Variants in GALNT17 observed in about 807,000 individuals in gnomAD.
GALNT17 encodes the protein UDP-GalNAc:polypeptide N-acetylgalactosaminyltransferase-like 3.
In GALNT17, 29 loss-of-function variants were observed where a neutral mutation model predicts 63.7. That is an observed-to-expected ratio of 0.46 (90% CI 0.34 to 0.62). The LOEUF (loss-of-function observed/expected upper bound fraction) is 0.62, where lower values mean the gene tolerates loss of function less well. Among genes scored for constraint, GALNT17 ranks in the 20% least tolerant of loss-of-function variants. The probability of loss-of-function intolerance (pLI) is 0.01; values close to 1 mark genes in which losing one functional copy is unlikely to be tolerated. For synonymous variants in GALNT17, 305 were observed against 318.3 expected (o/e 0.96, Z 0.45); for missense variants, 603 against 799.6 (o/e 0.75, Z 2.97).
chr7:71,240,955 G>A (rs772240951), intron 1 of GALNT17, among the ~76,000 whole-genome samples: 5 of 152,002 alleles, frequency 3.3e-5, no homozygotes, highest in South Asian at 2.1e-4. Flanking sequence ...TGAGCCACTC[G>A]TACTACATTT....
chr7:71,413,775 C>G (rs1793474784), intron 3 of GALNT17, among the ~76,000 whole-genome samples: 1 of 152,166 alleles, frequency 6.6e-6, no homozygotes, highest in African/African-American at 2.4e-5. Flanking sequence ...CAGAATCACA[C>G]TGCAGGGACT....
chr7:71,584,434 G>A (rs1789684821), intron 6 of GALNT17, among the ~76,000 whole-genome samples: 1 of 152,016 alleles, frequency 6.6e-6, no homozygotes, highest in Non-Finnish European at 1.5e-5. Flanking sequence ...ACATTTTGCT[G>A]TTTTTTTCAG....
intron 2 of GALNT17, among the ~76,000 whole-genome samples, chr7:71,360,210 A>G (rs572552464): frequency 6.6e-6 from 1 of 152,350 alleles, no homozygotes; most frequent in South Asian, 2.1e-4. Context: ...ACTGAATACA[A>G]TTTGATATCT....
intron 5 of GALNT17, among the ~76,000 whole-genome samples, chr7:71,483,612 C>T (rs998504964): frequency 6.6e-6 from 1 of 151,540 alleles, no homozygotes; most frequent in African/African-American, 2.4e-5. Flanking sequence ...GGCTAGAGTG[C>T]AGTGGCATTA....
At chr7:71,597,184 C>A (rs909763982) in intron 6 of GALNT17, among the ~76,000 whole-genome samples, 1 of 150,762 alleles carries the variant, frequency 6.6e-6, no homozygotes, top group Admixed American at 6.6e-5. Context: ...ACTACAGGCA[C>A]CCGCCACCAT....
intron 2 of GALNT17, among the ~76,000 whole-genome samples, chr7:71,341,652 A>G (rs1219480168): frequency 6.6e-6 from 1 of 152,320 alleles, no homozygotes; most frequent in East Asian, 1.9e-4. Flanking sequence ...GAAAAAAATA[A>G]TGTTCCATTT....
intron 1 of GALNT17, among the ~76,000 whole-genome samples, chr7:71,318,636 G>A (rs1791546064): frequency 1.3e-5 from 2 of 151,872 alleles, no homozygotes; most frequent in East Asian, 1.9e-4. Context: ...CACCATGTTG[G>A]CCAGGATGGT....
At chr7:71,482,699 T>C (rs1169229937) in intron 5 of GALNT17, among the ~76,000 whole-genome samples, 1 of 152,060 alleles carries the variant, frequency 6.6e-6, no homozygotes, top group Non-Finnish European at 1.5e-5. Flanking sequence ...AGTGAAAACA[T>C]GGTATAAAGC....
chr7:71,675,773 A>G (rs531282), intron 8 of GALNT17, among the ~76,000 whole-genome samples: 148,296 of 152,304 alleles, frequency 0.97, 72,273 homozygotes, highest in Non-Finnish European at 1. Flanking sequence ...GATCACCTGA[A>G]GTCAGGAGTT....
Position 71,388,769 on chromosome 7 carries a change from C to T in GALNT17, c.589+368C>T, listed in dbSNP as rs192158351. ...CTCGAACTCCTGAACTCAGGTGATCCGCTCACCTCAGCTTCCCAAAGTGCT... is the reference window on the plus strand; with the variant it reads ...CTCGAACTCCTGAACTCAGGTGATCTGCTCACCTCAGCTTCCCAAAGTGCT... On this transcript the variant is annotated intron_variant, in intron 3 of 10. Transcript: ENST00000333538. Among the ~76,000 whole-genome samples the T allele has an allele frequency of 3.3e-4, 50 of 152,072 alleles. 4 individuals carry two copies. The highest frequency in any genetic ancestry group is 2.9e-3 in the East Asian group (15 of 5,136).
At chr7:71,472,458 G>A (rs1247169013) in intron 5 of GALNT17, among the ~76,000 whole-genome samples, 1 of 152,108 alleles carries the variant, frequency 6.6e-6, no homozygotes, top group Non-Finnish European at 1.5e-5. Context: ...GGAGACCAAG[G>A]CAGGCTGATC....
chr7:71,315,128 T>C (rs2115965200), intron 1 of GALNT17, among the ~76,000 whole-genome samples: 1 of 152,348 alleles, frequency 6.6e-6, no homozygotes, highest in Non-Finnish European at 1.5e-5. Flanking sequence ...ATACATCTAT[T>C]TGTTTTTTTG....
intron 1 of GALNT17, among the ~76,000 whole-genome samples, chr7:71,219,130 A>G (rs1188825628): frequency 1.3e-5 from 2 of 152,104 alleles, no homozygotes; most frequent in African/African-American, 4.8e-5. Context: ...ATTTGCAGCA[A>G]CTCTATTAGG....
intron 1 of GALNT17, among the ~76,000 whole-genome samples, chr7:71,166,894 ACT>A (rs987881364): frequency 1.3e-5 from 2 of 151,844 alleles, no homozygotes; most frequent in African/African-American, 4.8e-5. Flanking sequence ...TGTGTATTTA[ACT>A]GTTTTTTTTA....
At chr7:71,389,640 C>A (rs904175297) in intron 3 of GALNT17, among the ~76,000 whole-genome samples, 5 of 152,160 alleles carry the variant, frequency 3.3e-5, no homozygotes, top group Non-Finnish European at 5.9e-5. Context: ...CTTCCTTCTT[C>A]TCATTAGCTA....
At chr7:71,332,429 G>A (rs1056557436) in intron 1 of GALNT17, among the ~76,000 whole-genome samples, 1 of 152,112 alleles carries the variant, frequency 6.6e-6, no homozygotes, top group Non-Finnish European at 1.5e-5. Flanking sequence ...TAGTTAATGA[G>A]CAACTCATCC....
intron 5 of GALNT17, among the ~76,000 whole-genome samples, chr7:71,551,068 C>A (rs1245345929): frequency 1.3e-5 from 2 of 152,046 alleles, no homozygotes; most frequent in African/African-American, 4.8e-5. Context: ...TGTTTACTGT[C>A]CTCTGGGATT....
At chr7:71,528,527 C>T (rs1788662433) in intron 5 of GALNT17, among the ~76,000 whole-genome samples, 1 of 152,144 alleles carries the variant, frequency 6.6e-6, no homozygotes, top group South Asian at 2.1e-4. Flanking sequence ...TCTTCTCATC[C>T]TGGGACCCAG....
chr7:71,144,969 T>C (rs549347075), intron 1 of GALNT17, among the ~76,000 whole-genome samples: 14 of 152,202 alleles, frequency 9.2e-5, no homozygotes, highest in South Asian at 2.1e-4. Flanking sequence ...ACTTCGTGAT[T>C]TGCCCACCTT....
Sources: allele counts gnomAD v4.1 joint callset (sites outside exome capture counted in the v4.1 genomes callset), GRCh38; gene constraint gnomAD v4.1.1; transcripts MANE v1.5; gene names NCBI Gene and HGNC (gene_info 2026-07-23, HGNC 2026-07-21).